The following RABGAP1L variants were observed in gnomAD, a reference collection of about 807,000 sequenced individuals.
RABGAP1L encodes the protein RAB GTPase activating protein 1 like.
Under a neutral mutation model 137.7 loss-of-function variants are expected in RABGAP1L, and 63 were observed. That is an observed-to-expected ratio of 0.46 (90% CI 0.37 to 0.56). The LOEUF (loss-of-function observed/expected upper bound fraction) is 0.56, where lower values mean the gene tolerates loss of function less well. Among genes scored for constraint, RABGAP1L ranks in the 20% least tolerant of loss-of-function variants. RABGAP1L has a pLI of 0.00. For synonymous variants in RABGAP1L, 431 were observed against 433.7 expected (o/e 0.99, Z 0.08); for missense variants, 1,095 against 1,244.0 (o/e 0.88, Z 1.80).
chr1:174,671,475 GTACATTTCTTT>G (rs1677173414), intron 14 of RABGAP1L, among the ~76,000 whole-genome samples: 1 of 152,128 alleles, frequency 6.6e-6, no homozygotes, highest in South Asian at 2.1e-4. Context: ...CTGTTTTGAG[GTACATTTCTTT>G]TACATCTAAT....
intron 1 of RABGAP1L, among the ~76,000 whole-genome samples, chr1:174,206,014 G>A (rs370343512): frequency 7.2e-5 from 11 of 152,236 alleles, no homozygotes; most frequent in African/African-American, 9.6e-5. Flanking sequence ...TCTTGTCTCC[G>A]TCTAGGGTTT....
intron 14 of RABGAP1L, among the ~76,000 whole-genome samples, chr1:174,653,053 G>A (rs1406360415): frequency 6.6e-6 from 1 of 152,146 alleles, no homozygotes; most frequent in Admixed American, 6.5e-5. Context: ...GAGCTGGGGT[G>A]GGCTCTGCCC....
Position 174,672,911 on chromosome 1 carries a change from AC to A in RABGAP1L, c.1825-10610del, listed in dbSNP as rs1192777315. ...ATTCATGTAACATGCTTTGTCATGA[AC>A]AAATCTCAGAGTTCCTAGTTCATGG... On this transcript the variant is annotated intron_variant, in intron 14 of 25. Coordinates refer to ENST00000681986, the MANE Select transcript of RABGAP1L (RefSeq NM_001366446.1). Among the ~76,000 whole-genome samples the A allele has an allele frequency of 5.3e-5, 8 of 152,190 alleles. No homozygotes were observed. In the South Asian group the frequency reaches 1.4e-3, roughly 28 times the overall value.
intron 13 of RABGAP1L, among the ~76,000 whole-genome samples, chr1:174,432,353 C>G (rs1469730341): frequency 6.6e-6 from 1 of 152,058 alleles, no homozygotes; most frequent in Non-Finnish European, 1.5e-5. Flanking sequence ...GTCCAGTCTG[C>G]TAGCATAAAA....
intron 19 of RABGAP1L, among the ~76,000 whole-genome samples, chr1:174,947,407 ATTTC>A (rs1352273966): frequency 2.0e-5 from 3 of 149,734 alleles, no homozygotes; most frequent in East Asian, 2.0e-4. Flanking sequence ...AGCCTGTTTA[ATTTC>A]TTTCTTTCTT....
At chr1:174,514,171 C>T (rs374495505) in intron 13 of RABGAP1L, among the ~76,000 whole-genome samples, 149 of 142,682 alleles carry the variant, frequency 1.0e-3, no homozygotes, top group African/African-American at 3.6e-3. Flanking sequence ...AAAGAGGACT[C>T]ATGACAACAA....
intron 13 of RABGAP1L, among the ~76,000 whole-genome samples, chr1:174,416,545 C>T (rs1236611475): frequency 6.6e-6 from 1 of 152,078 alleles, no homozygotes; most frequent in Non-Finnish European, 1.5e-5. Flanking sequence ...TGGAAGGCTT[C>T]TTAACTTCTA....
chr1:174,873,902 A>G (rs1652626812), intron 19 of RABGAP1L, among the ~76,000 whole-genome samples: 1 of 152,210 alleles, frequency 6.6e-6, no homozygotes, highest in African/African-American at 2.4e-5. Flanking sequence ...GAGAGAACAC[A>G]ATAGAAAAAT....
chr1:174,325,744 G>A (rs983885078), intron 11 of RABGAP1L, among the ~76,000 whole-genome samples: 1 of 152,168 alleles, frequency 6.6e-6, no homozygotes, highest in Non-Finnish European at 1.5e-5. Context: ...AACCATCTGA[G>A]GCCAGCTAGG....
chr1:174,295,674 G>A (rs1035630879), intron 10 of RABGAP1L, among the ~76,000 whole-genome samples: 4 of 149,360 alleles, frequency 2.7e-5, no homozygotes, highest in South Asian at 2.1e-4. Context: ...ATGAGCCACC[G>A]CAGCCAGCCT....
chr1:174,736,478 C>A (rs576128729), intron 17 of RABGAP1L, among the ~76,000 whole-genome samples: 50 of 152,322 alleles, frequency 3.3e-4, no homozygotes, highest in African/African-American at 9.4e-4. Flanking sequence ...ATGCCTGTGG[C>A]TTTTCCAGGC....
chr1:174,936,639 A>G (rs906648870), intron 19 of RABGAP1L, among the ~76,000 whole-genome samples: 19 of 152,132 alleles, frequency 1.2e-4, no homozygotes, highest in African/African-American at 4.1e-4. Flanking sequence ...GAATTGGCAG[A>G]TATATGTTTT....
intron 13 of RABGAP1L, among the ~76,000 whole-genome samples, chr1:174,444,647 A>G (rs753264511): frequency 2.0e-5 from 3 of 151,908 alleles, no homozygotes; most frequent in Non-Finnish European, 2.9e-5. Context: ...CAGATTTTCT[A>G]TTTCTTCATG....
intron 13 of RABGAP1L, among the ~76,000 whole-genome samples, chr1:174,581,891 T>C (rs1211017988): frequency 6.6e-6 from 1 of 152,196 alleles, no homozygotes; most frequent in African/African-American, 2.4e-5. Context: ...GGAGAATGCA[T>C]ATATGGTAAT....
At chr1:174,576,533 T>A (rs1668387100) in intron 13 of RABGAP1L, among the ~76,000 whole-genome samples, 1 of 152,230 alleles carries the variant, frequency 6.6e-6, no homozygotes, top group Non-Finnish European at 1.5e-5. Context: ...CCTGGCATTG[T>A]CTTTACACAA....
At chr1:174,221,215 G>C in intron 3 of RABGAP1L, 51 bp downstream of exon 3, 1 of 1,335,076 alleles carries the variant, frequency 7.5e-7, no homozygotes. Flanking sequence ...TAAAGTAATA[G>C]TGAAAATTTT....
At chr1:174,262,015 T>C (rs1320999509) in intron 7 of RABGAP1L, among the ~76,000 whole-genome samples, 1 of 152,238 alleles carries the variant, frequency 6.6e-6, no homozygotes, top group Admixed American at 6.5e-5. Flanking sequence ...CTTGTCCTTT[T>C]TGTGTTTTCT....
chr1:174,486,597 C>T (rs745770516), intron 13 of RABGAP1L, among the ~76,000 whole-genome samples: 13 of 151,994 alleles, frequency 8.6e-5, no homozygotes, highest in Non-Finnish European at 1.6e-4. Context: ...CTGCCCGCCT[C>T]GGCCTCCCAA....
intron 3 of RABGAP1L, among the ~76,000 whole-genome samples, chr1:174,228,752 T>C (rs1670391148): frequency 6.6e-6 from 1 of 152,178 alleles, no homozygotes; most frequent in Non-Finnish European, 1.5e-5. Context: ...GAAATGGCTT[T>C]TGTGAATTAT....
Sources: gnomAD v4.1 joint callset for allele counts (sites outside exome capture counted in the v4.1 genomes callset) on GRCh38, gnomAD v4.1.1 for gene constraint, MANE v1.5 for transcripts, NCBI Gene and HGNC (gene_info 2026-07-23, HGNC 2026-07-21) for gene names.